Variants in BAG5 observed in about 807,000 individuals in gnomAD.
BAG5 encodes the protein BAG family molecular chaperone regulator 5.
In BAG5, 25 loss-of-function variants were observed where a neutral mutation model predicts 31.8. That is an observed-to-expected ratio of 0.79 (90% CI 0.57 to 1.10). The LOEUF (loss-of-function observed/expected upper bound fraction) is 1.10, where lower values mean the gene tolerates loss of function less well. Among genes scored for constraint, BAG5 ranks in the 50% least tolerant of loss-of-function variants. The pLI, the probability that BAG5 is intolerant of heterozygous loss-of-function variation, is 0.00. For missense variants in BAG5, 491 were observed against 527.9 expected (o/e 0.93, Z 0.68); for synonymous variants, 208 against 205.0 (o/e 1.01, Z -0.13).
chr14:103,561,839 C>T, intron 1 of BAG5: 14 of 1,148,964 alleles, frequency 1.2e-5, no homozygotes, highest in Non-Finnish European at 1.2e-5. Flanking sequence ...CTCCTCAGCC[C>T]CCAACATGCT....
rs780967214 is a variant in BAG5, at chr14:103,561,201, C to A, written c.-28-9G>T. 6.3e-7 allele frequency: 1 copy of A among 1,578,244 alleles called. No individual in the cohort carries two copies. Among genetic ancestry groups the A allele is most frequent in the South Asian group, 1.1e-5 (1 of 88,446 alleles). On this transcript the variant is annotated splice_polypyrimidine_tract_variant and intron_variant, in intron 1 of 1. Coordinates refer to ENST00000299204, the MANE Select transcript of BAG5 (RefSeq NM_001015048.3). ...GTTCAGTTTCACAAGCACTAAAAGA[C>A]GACAAGAATGATAACTTACTACAGC...
At chr14:103,561,465 G>A (rs566743619) in intron 1 of BAG5, among the ~76,000 whole-genome samples, 1 of 152,210 alleles carries the variant, frequency 6.6e-6, no homozygotes, top group African/African-American at 2.4e-5. Context: ...TAAGGTGTGA[G>A]TCACCGTACG....
intron 1 of BAG5, among the ~76,000 whole-genome samples, chr14:103,561,517 G>A (rs1479656122): frequency 6.6e-6 from 1 of 152,130 alleles, no homozygotes; most frequent in Non-Finnish European, 1.5e-5. Context: ...CTTTATGAAA[G>A]GTGAAACAGT....
intron 1 of BAG5, among the ~76,000 whole-genome samples, chr14:103,561,481 C>CA (rs1299249872): frequency 6.6e-6 from 1 of 152,164 alleles, no homozygotes; most frequent in African/African-American, 2.4e-5. Flanking sequence ...GTACGCGACA[C>CA]AAACTATTTG....
rs762036322 is a variant in BAG5 at position 103,560,198 on chromosome 14, C to G, written c.967G>C (p.Glu323Gln). The G allele has an allele frequency of 5.6e-6, 9 of 1,613,994 alleles. No homozygotes were observed. The East Asian group carries it at 2.0e-4, about 36-fold the overall frequency. The change falls in exon 2 of 2, where the codon GAA becomes CAA. Residue 323 changes from glutamate (E) to glutamine (Q), a missense_variant. Transcript: ENST00000299204. Reference sequence around the variant, plus strand: ...GCTTCCCGGATGCAGGGGTTTTTTTCAAGACTTACCTCATCCAACTGTCCA... The same window carrying G: ...GCTTCCCGGATGCAGGGGTTTTTTTGAAGACTTACCTCATCCAACTGTCCA... Reference protein sequence around the residue: ...LIGQLDEVSLEKNPCIREARR... With the variant: ...LIGQLDEVSLQKNPCIREARR...
chr14:103,562,157 G>A, intron 1 of BAG5: 2 of 641,626 alleles, frequency 3.1e-6, no homozygotes, highest in Non-Finnish European at 5.6e-6. Context: ...GTGGCGAGGT[G>A]GAAGATCAGC....
At position 103,560,418 on chromosome 14, in the gene BAG5, G is replaced by T; in HGVS notation, c.747C>A (p.Ile249=). The T allele has an allele frequency of 6.2e-7, 1 of 1,614,084 alleles. No individual in the cohort carries two copies. Among genetic ancestry groups the T allele is most frequent in the Non-Finnish European group, 8.5e-7 (1 of 1,180,028 alleles). Residue 249 remains isoleucine (I), a synonymous_variant, in exon 2 of 2, where the codon ATC becomes ATA. Transcript: ENST00000299204. ...AATCCAGATATTTCAATAATTTGTT[G>T]ATATCTTCTACTACCTCCCTCCGAT... ...RNYRREVVED[I]NKLLKYLDLE...
Position 103,561,132 on chromosome 14 carries a change from A to G in BAG5, c.33T>C (p.Ser11=), listed in dbSNP as rs773362496. 11 of 1,601,522 alleles carry G rather than the reference A, an allele frequency of 6.9e-6. No individual in the cohort carries two copies. Among genetic ancestry groups the G allele is most frequent in the Middle Eastern group, 1.6e-4 (1 of 6,080 alleles). Residue 11 remains serine, a synonymous_variant, in exon 2 of 2, where the codon AGT becomes AGC. Transcript: ENST00000299204. MDMGNQHPSI[S]RLQEIQKEVK... The stretch of plus-strand genomic sequence containing the variant: ...CTTCCTTTTGGATTTCCTGAAGCCT[A>G]CTAATAGAAGGATGTTGGTTTCCCA...
In BAG5 at chr14:103,560,909, C is replaced by T; in HGVS notation, c.256G>A (p.Ala86Thr). The T allele has an allele frequency of 6.2e-7, 1 of 1,614,176 alleles. No individual in the cohort carries two copies. ...ERLLKELEQN[A>T]NHPHRIEIQN... ...ATTTCAATCCGGTGTGGGTGGTTTGCATTCTGCTCCAACTCTTTGAGAAGA... is the reference window on the plus strand; with the variant it reads ...ATTTCAATCCGGTGTGGGTGGTTTGTATTCTGCTCCAACTCTTTGAGAAGA... The change falls in exon 2 of 2, where the codon GCA becomes ACA. Residue 86 changes from alanine (A) to threonine (T), a missense_variant. Transcript: ENST00000299204.
At chr14:103,561,993 C>T (rs371364108) in intron 1 of BAG5, 4 of 1,613,430 alleles carry the variant, frequency 2.5e-6, no homozygotes, top group Non-Finnish European at 3.4e-6. Flanking sequence ...AGGTGGGTAA[C>T]CAATGGAAAC....
intron 1 of BAG5, 46 bp from the exon 2 acceptor site, chr14:103,561,238 G>T: frequency 6.6e-7 from 1 of 1,508,992 alleles, no homozygotes; most frequent in Non-Finnish European, 8.9e-7. Flanking sequence ...CAAGGCTTCT[G>T]CAGAACACTA....
Position 103,560,015 on chromosome 14 carries a change from G to T in BAG5, c.1150C>A (p.Leu384Ile). ...TCGGTTCGATTTCCATCAAATGAAA[G>T]AACTTCTCCCTGGATCTCAGACAAG... ...GNLSEIQGEV[L>I]SFDGNRTDKN... The change falls in exon 2 of 2, where the codon CTT (leucine) becomes ATT (isoleucine). Residue 384 changes from leucine to isoleucine, a missense_variant. Coordinates refer to ENST00000299204, the MANE Select transcript of BAG5 (RefSeq NM_001015048.3). 2 of 1,614,182 alleles carry T rather than the reference G, an allele frequency of 1.2e-6. No homozygotes were observed. Among genetic ancestry groups the T allele is most frequent in the Non-Finnish European group, 1.7e-6 (2 of 1,180,044 alleles).
Position 103,557,176 on chromosome 14 carries a change from T to A in BAG5, c.*2645A>T, listed in dbSNP as rs2076043482. Reference sequence around the variant, plus strand: ...TTTGGGGAGTAGGTTTTACTTGCAGTACAGATTCTTTTCATTACAGATCAC... The same window carrying A: ...TTTGGGGAGTAGGTTTTACTTGCAGAACAGATTCTTTTCATTACAGATCAC... On this transcript the variant is annotated 3_prime_UTR_variant, in exon 2 of 2. Coordinates refer to ENST00000299204, the MANE Select transcript of BAG5 (RefSeq NM_001015048.3). 6.6e-6 allele frequency: 1 copy of A among 152,194 alleles called. No homozygotes were observed. Among genetic ancestry groups the A allele is most frequent in the Non-Finnish European group, 1.5e-5 (1 of 68,034 alleles). The allele number at this position is 152,194 out of a possible 1,614,324, so 9.4% of individuals were successfully genotyped here.
In BAG5 at chr14:103,556,823, T is replaced by C. The variant is rs1223661891; in HGVS notation, c.*2998A>G. On this transcript the variant is annotated 3_prime_UTR_variant, in exon 2 of 2. Transcript: ENST00000299204. ...AAAAAAAATAAAAAAACCCAAAACC[T>C]TGCATGCACAAGCTAAGCTCAGACC... is the stretch of plus-strand genomic sequence containing the variant. 6.6e-6 allele frequency: 1 copy of C among 151,962 alleles called. No homozygotes were observed. Among genetic ancestry groups the C allele is most frequent in the African/African-American group, 2.4e-5 (1 of 41,358 alleles). The allele number at this position is 151,962 out of a possible 1,614,324, so 9.4% of individuals were successfully genotyped here.
Position 103,559,814 on chromosome 14 carries a change from T to C in BAG5, c.*7A>G, listed in dbSNP as rs2076058604. 1 of 1,608,518 alleles carries C rather than the reference T, an allele frequency of 6.2e-7. No homozygotes were observed. Among genetic ancestry groups the C allele is most frequent in the African/African-American group, 1.3e-5 (1 of 74,830 alleles). On this transcript the variant is annotated 3_prime_UTR_variant, in exon 2 of 2. Coordinates refer to ENST00000299204, the MANE Select transcript of BAG5 (RefSeq NM_001015048.3). ...AAAACAGTATCAAAAGTGAGATCTCTGGTATTTCAGTACTCCCATTCATCA... is the reference window on the plus strand; with the variant it reads ...AAAACAGTATCAAAAGTGAGATCTCCGGTATTTCAGTACTCCCATTCATCA...
In BAG5 at chr14:103,556,817, A is replaced by C. The variant is rs1566971234; in HGVS notation, c.*3004T>G. Reference sequence around the variant, plus strand: ...GCTCAAAAAAAAAATAAAAAAACCCAAAACCTTGCATGCACAAGCTAAGCT... The same window carrying C: ...GCTCAAAAAAAAAATAAAAAAACCCCAAACCTTGCATGCACAAGCTAAGCT... On this transcript the variant is annotated 3_prime_UTR_variant, in exon 2 of 2. Transcript: ENST00000299204. 6.6e-6 allele frequency: 1 copy of C among 152,210 alleles called. No individual in the cohort carries two copies. Among genetic ancestry groups the C allele is most frequent in the Admixed American group, 6.5e-5 (1 of 15,280 alleles). The allele number at this position is 152,210 out of a possible 1,614,324, so 9.4% of individuals were successfully genotyped here.
chr14:103,562,235 T>G (rs887324790), intron 1 of BAG5: 208 of 544,390 alleles, frequency 3.8e-4, no homozygotes, highest in South Asian at 8.2e-4. Context: ...CGACTAGGTC[T>G]GAGCGGGGCA....
chr14:103,560,576 G>C lies in BAG5; in HGVS notation c.589C>G (p.Arg197Gly). Reference protein sequence around the residue: ...NFVMCEVNKARGVLIALLMGV... With the variant: ...NFVMCEVNKAGGVLIALLMGV... Reference sequence around the variant, plus strand: ...ATCAGAAGTGCAATCAGGACCCCTCGGGCCTTGTTCACCTCACACATCACG... The same window carrying C: ...ATCAGAAGTGCAATCAGGACCCCTCCGGCCTTGTTCACCTCACACATCACG... The change falls in exon 2 of 2, where the codon CGA becomes GGA. Residue 197 changes from arginine to glycine, a missense_variant. Transcript: ENST00000299204. 6.2e-7 allele frequency: 1 copy of C among 1,614,026 alleles called. No individual in the cohort carries two copies. The highest frequency in any genetic ancestry group is 8.5e-7 in the Non-Finnish European group (1 of 1,180,022).
rs1456292462 is a variant in BAG5 at position 103,559,686 on chromosome 14, T to C, written c.*135A>G. The C allele has an allele frequency of 5.9e-6, 6 of 1,025,422 alleles. No homozygotes were observed. The African/African-American group carries it at 8.0e-5, about 14-fold the overall frequency. 63.5% of individuals were successfully genotyped at this position (1,025,422 alleles called of 1,614,324 possible). A position where few individuals can be genotyped will look rare whatever the true frequency, so the allele number is the denominator to read the frequency against. On this transcript the variant is annotated 3_prime_UTR_variant, in exon 2 of 2. Transcript: ENST00000299204. ...GTCTTGCAACATCAAAAGCAGCAGA[T>C]ACTGAATAGAATTTGCTTCAATCAT...
Sources: allele counts gnomAD v4.1 joint callset (sites outside exome capture counted in the v4.1 genomes callset), GRCh38; gene constraint gnomAD v4.1.1; transcripts MANE v1.5; gene names NCBI Gene and HGNC (gene_info 2026-07-23, HGNC 2026-07-21).